BPIFB3: variants seen among roughly 807,000 people sequenced by gnomAD.
BPIFB3 encodes the protein BPI fold-containing family B member 3.
In BPIFB3, 49 loss-of-function variants were observed where a neutral mutation model predicts 53.1. That is an observed-to-expected ratio of 0.92 (90% CI 0.73 to 1.17). The LOEUF (loss-of-function observed/expected upper bound fraction) is 1.17, where lower values mean the gene tolerates loss of function less well. BPIFB3 is among the 50% of genes most tolerant of loss of function. BPIFB3 has a pLI of 0.00. For missense variants in BPIFB3, 628 were observed against 592.5 expected (o/e 1.06, Z -0.62); for synonymous variants, 271 against 269.6 (o/e 1.01, Z -0.05).
At chr20:33,073,520 G>A in intron 14 of BPIFB3, 56 bp from the exon 16 acceptor site, 1 of 1,604,328 alleles carries the variant, frequency 6.2e-7, no homozygotes, top group Non-Finnish European at 8.5e-7. Context: ...GATGGCTGCA[G>A]GGATGGGGCA....
At chr20:33,064,025 C>G (rs1980559696) in intron 6 of BPIFB3, among the ~76,000 whole-genome samples, 1 of 152,182 alleles carries the variant, frequency 6.6e-6, no homozygotes, top group Non-Finnish European at 1.5e-5. Flanking sequence ...AGTAAGGAAC[C>G]CAAGGCCCCG....
chr20:33,070,676 T>G (rs1163413776), intron 11 of BPIFB3, among the ~76,000 whole-genome samples: 1 of 152,224 alleles, frequency 6.6e-6, no homozygotes, highest in Non-Finnish European at 1.5e-5. Context: ...AGTGCTCCTC[T>G]GACTCCGTCT....
intron 1 of BPIFB3, among the ~76,000 whole-genome samples, chr20:33,055,784 G>C (rs906832050): frequency 6.6e-6 from 1 of 152,184 alleles, no homozygotes; most frequent in South Asian, 2.1e-4. Context: ...GAGGCTGTTT[G>C]GGGACTGTGT....
chr20:33,058,910 G>A (rs1600536897), intron 2 of BPIFB3, among the ~76,000 whole-genome samples: 1 of 152,088 alleles, frequency 6.6e-6, no homozygotes, highest in African/African-American at 2.4e-5. Flanking sequence ...AGAGGAAATG[G>A]CCTGGGCAAA....
At chr20:33,060,368 T>C (rs1050903923) in intron 4 of BPIFB3, among the ~76,000 whole-genome samples, 1 of 152,096 alleles carries the variant, frequency 6.6e-6, no homozygotes, top group Non-Finnish European at 1.5e-5. Context: ...TCTCAGCACA[T>C]GAGACCCAAC....
At chr20:33,071,139 G>A in intron 11 of BPIFB3, 114 bp from the exon 13 acceptor site, 1 of 1,128,692 alleles carries the variant, frequency 8.9e-7, no homozygotes, top group Non-Finnish European at 1.3e-6. Context: ...GAGGCAGAGT[G>A]TTGGGCTGGT....
At chr20:33,055,964 T>C (rs903371417) in intron 1 of BPIFB3, among the ~76,000 whole-genome samples, 1 of 152,166 alleles carries the variant, frequency 6.6e-6, no homozygotes, top group Non-Finnish European at 1.5e-5. Flanking sequence ...AGATTGGTCA[T>C]GAGCAGGAAA....
At chr20:33,055,950 G>A (rs1446559608) in intron 1 of BPIFB3, among the ~76,000 whole-genome samples, 1 of 152,170 alleles carries the variant, frequency 6.6e-6, no homozygotes, top group Admixed American at 6.5e-5. Flanking sequence ...CTCAGGGATA[G>A]AGTAGATTGG....
At chr20:33,067,046 G>A (rs542846523) in intron 9 of BPIFB3, among the ~76,000 whole-genome samples, 169 bp downstream of exon 10, 1 of 152,354 alleles carries the variant, frequency 6.6e-6, no homozygotes, top group African/African-American at 2.4e-5. Flanking sequence ...CCTGATAGCA[G>A]ATTTTGCTTA....
At chr20:33,056,662 A>C (rs756428335) in exon 2 of BPIFB3, 1 of 1,610,974 alleles carries the variant, frequency 6.2e-7, no homozygotes, top group South Asian at 1.1e-5. Flanking sequence ...TTGCTGGGCC[A>C]CGGAGGGGTT....
At position 33,067,298 on chromosome 20, in the gene BPIFB3, A is replaced by C. The variant is rs190503149; in HGVS notation, c.978+421A>C. Reference sequence around the variant, plus strand: ...AGGTCTCACTAGTGGACATAAGTACATGACTTCCAGGCCAGGCCTCAGCTT... The same window carrying C: ...AGGTCTCACTAGTGGACATAAGTACCTGACTTCCAGGCCAGGCCTCAGCTT... On this transcript the variant is annotated intron_variant, in intron 9 of 14. Transcript: ENST00000375494. Among the ~76,000 whole-genome samples the C allele has an allele frequency of 3.9e-5, 6 of 152,354 alleles. No homozygotes were observed. The East Asian group carries it at 1.2e-3, about 29-fold the overall frequency.
At chr20:33,059,669 C>G (rs1240922072) in intron 3 of BPIFB3, among the ~76,000 whole-genome samples, 187 bp downstream of exon 4, 1 of 152,108 alleles carries the variant, frequency 6.6e-6, no homozygotes, top group Non-Finnish European at 1.5e-5. Flanking sequence ...ATTGCCCTTC[C>G]CCAGGGACTT....
intron 4 of BPIFB3, 45 bp from the exon 6 acceptor site, chr20:33,061,722 AC>A (rs762911089): frequency 7.6e-6 from 12 of 1,588,612 alleles, no homozygotes; most frequent in Non-Finnish European, 1.0e-5. Context: ...TCTGGGTTGA[AC>A]CGTCCACCTG....
chr20:33,060,015 A>C (rs1980384189), exon 4 of BPIFB3: 1 of 1,613,930 alleles, frequency 6.2e-7, no homozygotes, highest in Admixed American at 1.7e-5. Flanking sequence ...CCTGGGCCAC[A>C]TCAGCCTGTT....
chr20:33,058,235 G>C (rs1015276777), intron 2 of BPIFB3, among the ~76,000 whole-genome samples: 16 of 152,236 alleles, frequency 1.1e-4, no homozygotes, highest in African/African-American at 3.9e-4. Context: ...ACTGGGAGCG[G>C]AAAGAAGGGC....
At chr20:33,065,762 A>T (rs221982) in intron 8 of BPIFB3, among the ~76,000 whole-genome samples, 1 of 151,888 alleles carries the variant, frequency 6.6e-6, no homozygotes, top group African/African-American at 2.4e-5. Flanking sequence ...CCACCCAGAG[A>T]CATTTATTTT....
rs956456510 is a variant in BPIFB3, at chr20:33,069,881, C to T, written c.1150-7C>T. 3 of 1,614,192 alleles carry T rather than the reference C, an allele frequency of 1.9e-6. No individual in the cohort carries two copies. The highest frequency in any genetic ancestry group is 2.5e-6 in the Non-Finnish European group (3 of 1,180,026). ...GGGGGTGACTTCTGCCTGCTTTGCC[C>T]ATGCAGGTCATGACTGTGCGTGCCC... On this transcript the variant is annotated splice_polypyrimidine_tract_variant and splice_region_variant and intron_variant, in intron 10 of 14. Transcript: ENST00000375494.
intron 9 of BPIFB3, among the ~76,000 whole-genome samples, chr20:33,067,635 T>A (rs899528044): frequency 6.6e-6 from 1 of 152,176 alleles, no homozygotes. Flanking sequence ...GGGATGCGAT[T>A]GGAGTCAGAC....
chr20:33,071,334 G>T (rs1433379972), intron 12 of BPIFB3, 39 bp downstream of exon 13: 3 of 1,550,414 alleles, frequency 1.9e-6, no homozygotes, highest in Non-Finnish European at 2.6e-6. Flanking sequence ...GCAGTGATGA[G>T]AGTCTTCAGG....
Sources: allele counts gnomAD v4.1 joint callset (sites outside exome capture counted in the v4.1 genomes callset), GRCh38; gene constraint gnomAD v4.1.1; transcripts MANE v1.5; gene names NCBI Gene and HGNC (gene_info 2026-07-23, HGNC 2026-07-21).